Variants in PCDHGB1 observed in about 807,000 individuals in gnomAD.
PCDHGB1 encodes protocadherin gamma-B1.
In PCDHGB1, 34 loss-of-function variants were observed where a neutral mutation model predicts 56.6. The observed-to-expected ratio is 0.60, with a 90% CI of 0.46 to 0.80. PCDHGB1 has a LOEUF of 0.80. PCDHGB1 is among the 30% of genes least tolerant of loss of function. PCDHGB1 has a pLI of 0.00. For missense variants in PCDHGB1, 1,278 were observed against 1,204.6 expected, an observed-to-expected ratio of 1.06 and a Z score of -0.90; for synonymous variants, 561 against 505.9, an observed-to-expected ratio of 1.11 and a Z score of -1.46.
rs1328476453 is a variant in PCDHGB1, at chr5:141,431,444, C to T, written c.2410-63363C>T. 4.3e-6 allele frequency: 7 copies of T among 1,613,732 alleles called. No homozygotes were observed. The highest frequency in any genetic ancestry group is 5.9e-6 in the Non-Finnish European group (7 of 1,180,022). On this transcript the variant is annotated intron_variant, in intron 1 of 3. Transcript: ENST00000523390. The surrounding 1 kb of genome is among the most constrained non-coding windows in gnomAD (Gnocchi z 4.8). ...GGTGCGCACAGGCACCGCGCGCATCCGCGTGATGGTTCTGGATGCGAACGA... is the reference window on the plus strand; with the variant it reads ...GGTGCGCACAGGCACCGCGCGCATCTGCGTGATGGTTCTGGATGCGAACGA...
intron 1 of PCDHGB1, chr5:141,387,823 A>G: frequency 6.3e-7 from 1 of 1,581,002 alleles, no homozygotes; most frequent in South Asian, 1.2e-5. Context: ...AATCTGCAAT[A>G]CAGAGGTTAT....
intron 1 of PCDHGB1, among the ~76,000 whole-genome samples, chr5:141,437,807 G>T (rs910427301): frequency 6.7e-6 from 1 of 149,476 alleles, no homozygotes; most frequent in Non-Finnish European, 1.5e-5. Flanking sequence ...GCACTATCTT[G>T]GCTCACTGCA....
rs70988800 is a variant in PCDHGB1, at chr5:141,379,889, C to CTT, written c.2409+27249_2409+27250dup. On this transcript the variant is annotated intron_variant, in intron 1 of 3. Transcript: ENST00000523390. ...CTTATTTTATGGTCTGTGAAAGCCT[C>CTT]TTTTTTTTTTTTTTTTTTTTTTTTT... Among the ~76,000 whole-genome samples the CTT allele has an allele frequency of 2.1e-3, 106 of 50,824 alleles. 11 individuals carry two copies. Among genetic ancestry groups the CTT allele is most frequent in the East Asian group, 2.5e-3 (4 of 1,606 alleles). 33.3% of individuals were successfully genotyped at this position (50,824 alleles called of 152,430 possible).
intron 1 of PCDHGB1, among the ~76,000 whole-genome samples, chr5:141,445,277 A>G (rs769047096): frequency 6.6e-6 from 1 of 152,256 alleles, no homozygotes; most frequent in African/African-American, 2.4e-5. Flanking sequence ...ACCACTCTGC[A>G]TAAGTTCAGG....
chr5:141,496,215 T>C (rs2099767024), intron 2 of PCDHGB1, among the ~76,000 whole-genome samples: 3 of 152,114 alleles, frequency 2.0e-5, no homozygotes, highest in Non-Finnish European at 4.4e-5. Context: ...TATGAATTCC[T>C]GCTGAGACAG....
At chr5:141,405,038 G>T in intron 1 of PCDHGB1, 1 of 1,613,964 alleles carries the variant, frequency 6.2e-7, no homozygotes, top group Non-Finnish European at 8.5e-7. Flanking sequence ...CCTCGTTGTG[G>T]CTGTGGCAGT....
intron 1 of PCDHGB1, chr5:141,419,929 T>C: frequency 6.2e-7 from 1 of 1,614,076 alleles, no homozygotes; most frequent in Non-Finnish European, 8.5e-7. Context: ...AGATGCAGTT[T>C]TACCTGGTGG....
At position 141,351,492 on chromosome 5, in the gene PCDHGB1, C is replaced by A. The variant is rs62623563; in HGVS notation, c.1232C>A (p.Thr411Lys). The part of the protein sequence containing the change: ...VIAGALNREQ[T>K]ADYNVTIIAT... The stretch of plus-strand genomic sequence containing the variant: ...GCTGGAGCCCTAAACCGGGAGCAGA[C>A]AGCAGACTACAACGTCACAATCATA... Residue 411 changes from threonine to lysine, a missense_variant, in exon 1 of 4, where the codon ACA (threonine) becomes AAA (lysine). Thr to Lys is a moderately conservative substitution (Grantham distance 78). Coordinates refer to ENST00000523390, the MANE Select transcript of PCDHGB1 (RefSeq NM_018922.3). 6.5e-3 allele frequency: 10,416 copies of A among 1,613,942 alleles called. 45 individuals carry two copies. Among genetic ancestry groups the A allele is most frequent in the Non-Finnish European group, 6.8e-3 (8,045 of 1,179,860 alleles).
intron 1 of PCDHGB1, among the ~76,000 whole-genome samples, chr5:141,444,646 G>T (rs1023259048): frequency 1.3e-5 from 2 of 152,098 alleles, no homozygotes; most frequent in Non-Finnish European, 2.9e-5. Flanking sequence ...TGAGGTAGGG[G>T]TTGAAGTTAT....
chr5:141,361,552 C>T, intron 1 of PCDHGB1: 1 of 1,614,060 alleles, frequency 6.2e-7, no homozygotes, highest in Non-Finnish European at 8.5e-7. Flanking sequence ...CTCTATCGCT[C>T]AAATCAGTGC....
chr5:141,503,556 G>A (rs1021346255), intron 2 of PCDHGB1, among the ~76,000 whole-genome samples: 1 of 145,962 alleles, frequency 6.9e-6, no homozygotes, highest in East Asian at 2.0e-4. Context: ...CCGAGATCGC[G>A]CCACTGTACT....
chr5:141,485,431 C>G lies in PCDHGB1; in HGVS notation c.2410-9376C>G, dbSNP rs1594481071. ...ATTTGGACAGCGGAGCCCTGCTCAT[C>G]AAGAACCCAATCGACCGAGAGGCAC... On this transcript the variant is annotated intron_variant, in intron 1 of 3. Coordinates refer to ENST00000523390, the MANE Select transcript of PCDHGB1 (RefSeq NM_018922.3). The surrounding 1 kb of genome is among the most constrained non-coding windows in gnomAD (Gnocchi z 5.7). 8.7e-6 allele frequency: 14 copies of G among 1,614,198 alleles called. No homozygotes were observed. Among genetic ancestry groups the G allele is most frequent in the Non-Finnish European group, 1.1e-5 (13 of 1,180,038 alleles).
rs764843194 is a variant in PCDHGB1 at position 141,490,530 on chromosome 5, T to A, written c.2410-4277T>A. 1.2e-6 allele frequency: 2 copies of A among 1,613,794 alleles called. No individual in the cohort carries two copies. Among genetic ancestry groups the A allele is most frequent in the African/African-American group, 2.7e-5 (2 of 74,846 alleles). ...TCGAGCTGCTGGCCAGCGATGCTGG[T>A]TCACCTTCCCTACACAAACATCTCA... On this transcript the variant is annotated intron_variant, in intron 1 of 3. Coordinates refer to ENST00000523390, the MANE Select transcript of PCDHGB1 (RefSeq NM_018922.3). This position sits in a 1 kb window ranked among gnomAD's most constrained non-coding sequence, Gnocchi z 5.4.
rs770021932 is a variant in PCDHGB1 at position 141,351,721 on chromosome 5, T to C, written c.1461T>C (p.Ile487=). 6.2e-7 allele frequency: 1 copy of C among 1,613,810 alleles called. No individual in the cohort carries two copies. The highest frequency in any genetic ancestry group is 2.2e-5 in the East Asian group (1 of 44,876). ...CCAACGGCAGAGTCTCCTACTCTAT[T>C]CTGGCCAGTGACCTGGAGCCGCGGG... ...LGPNGRVSYS[I]LASDLEPREL... The change falls in exon 1 of 4, where the codon ATT becomes ATC. Residue 487 remains isoleucine, a synonymous_variant. Coordinates refer to ENST00000523390, the MANE Select transcript of PCDHGB1 (RefSeq NM_018922.3).
chr5:141,472,218 G>A (rs1206861601), intron 1 of PCDHGB1, among the ~76,000 whole-genome samples: 3 of 152,054 alleles, frequency 2.0e-5, no homozygotes, highest in Admixed American at 2.0e-4. Flanking sequence ...CCTTACTCTC[G>A]ATCATATAAT....
At chr5:141,469,951 T>G (rs1467717372) in intron 1 of PCDHGB1, among the ~76,000 whole-genome samples, 2 of 152,034 alleles carry the variant, frequency 1.3e-5, no homozygotes, top group African/African-American at 4.8e-5. Context: ...GCCAGCATGG[T>G]GAAACCCCAT....
chr5:141,423,434 T>C, intron 1 of PCDHGB1: 1 of 1,614,036 alleles, frequency 6.2e-7, no homozygotes, highest in Non-Finnish European at 8.5e-7. Flanking sequence ...TTGGCAGGTA[T>C]GCCCACGTCA....
chr5:141,461,845 C>CA (rs2099025049), intron 1 of PCDHGB1, among the ~76,000 whole-genome samples: 1 of 151,000 alleles, frequency 6.6e-6, no homozygotes. Context: ...TTTTTTGAGA[C>CA]AGAGTTTTGC....
intron 1 of PCDHGB1, chr5:141,377,877 A>T (rs2150119118): frequency 6.6e-6 from 1 of 152,320 alleles, no homozygotes; most frequent in South Asian, 2.1e-4. Flanking sequence ...TTCTCTTATC[A>T]GAGATAGGAT....
Sources: allele counts gnomAD v4.1 joint callset (sites outside exome capture counted in the v4.1 genomes callset), GRCh38; gene constraint gnomAD v4.1.1; non-coding constraint Gnocchi (gnomAD v3.1); transcripts MANE v1.5; gene names NCBI Gene and HGNC (gene_info 2026-07-23, HGNC 2026-07-21).